PARD3: variants seen among roughly 807,000 people sequenced by gnomAD.
PARD3 encodes the protein partitioning defective 3 homolog.
Under a neutral mutation model 155.4 loss-of-function variants are expected in PARD3, and 75 were observed. That is an observed-to-expected ratio of 0.48 (90% CI 0.40 to 0.58). The LOEUF is 0.58. PARD3 is among the 20% of genes least tolerant of loss of function. The pLI, the probability that PARD3 is intolerant of heterozygous loss-of-function variation, is 0.00. For missense variants in PARD3, 1,642 were observed against 1,721.7 expected (o/e 0.95, Z 0.82); for synonymous variants, 576 against 610.5 (o/e 0.94, Z 0.83).
chr10:34,174,565 C>T (rs1277455362), intron 22 of PARD3, among the ~76,000 whole-genome samples: 2 of 152,148 alleles, frequency 1.3e-5, no homozygotes, highest in East Asian at 3.9e-4. Flanking sequence ...GTGAGGCCAC[C>T]TGTCTGGCTG....
At chr10:34,285,724 G>T (rs1956356541) in intron 20 of PARD3, among the ~76,000 whole-genome samples, 1 of 152,022 alleles carries the variant, frequency 6.6e-6, no homozygotes, top group Admixed American at 6.6e-5. Flanking sequence ...GTCTACATAT[G>T]AATTAAAGTA....
chr10:34,126,346 T>G (rs1947290162), intron 23 of PARD3, among the ~76,000 whole-genome samples: 1 of 152,222 alleles, frequency 6.6e-6, no homozygotes, highest in African/African-American at 2.4e-5. Context: ...GCTACTTGGA[T>G]GAATTTTCCG....
intron 5 of PARD3, among the ~76,000 whole-genome samples, chr10:34,436,509 A>G (rs2076195504): frequency 6.6e-6 from 1 of 152,242 alleles, no homozygotes; most frequent in Non-Finnish European, 1.5e-5. Flanking sequence ...GCAACATGGT[A>G]CGATGTCTAC....
intron 20 of PARD3, among the ~76,000 whole-genome samples, chr10:34,299,232 C>T (rs1041052439): frequency 2.0e-5 from 3 of 152,204 alleles, no homozygotes; most frequent in Admixed American, 2.0e-4. Context: ...TGCAAATAAA[C>T]ACCAATAGAT....
chr10:34,587,594 C>T (rs899299745), intron 2 of PARD3, among the ~76,000 whole-genome samples: 15 of 152,094 alleles, frequency 9.9e-5, no homozygotes, highest in Non-Finnish European at 1.5e-4. Context: ...TGAAACTTTG[C>T]AAAAGAAGGG....
intron 22 of PARD3, among the ~76,000 whole-genome samples, chr10:34,165,830 T>C (rs991542486): frequency 1.3e-5 from 2 of 152,246 alleles, no homozygotes; most frequent in African/African-American, 2.4e-5. Flanking sequence ...CCCATATCAA[T>C]GGTCATTTTC....
intron 2 of PARD3, among the ~76,000 whole-genome samples, chr10:34,538,765 G>A (rs954104968): frequency 2.0e-5 from 3 of 152,214 alleles, no homozygotes; most frequent in African/African-American, 7.2e-5. Flanking sequence ...CTGCAGAAAC[G>A]CAGGGGTGAG....
intron 15 of PARD3, chr10:34,346,233 CA>C: frequency 8.7e-7 from 1 of 1,146,748 alleles, no homozygotes; most frequent in Non-Finnish European, 1.1e-6. Context: ...CTGTAGCTAA[CA>C]AAATCGGGGC....
rs1446944862 is a variant in PARD3 at position 34,586,535 on chromosome 10, C to T, written c.223-69376G>A. On this transcript the variant is annotated intron_variant, in intron 2 of 24. Coordinates refer to ENST00000374788, the MANE Select transcript of PARD3 (RefSeq NM_001184785.2). ...CTTATTCATCACTGAGCCATAAGAA[C>T]ACTATAGGGGGAAAAAATATACTCT... Among the ~76,000 whole-genome samples, 6 of 152,092 alleles carry T rather than the reference C, an allele frequency of 3.9e-5. No homozygotes were observed. In the East Asian group the frequency reaches 1.2e-3, roughly 29 times the overall value.
intron 7 of PARD3, among the ~76,000 whole-genome samples, chr10:34,386,239 A>C (rs2132037044): frequency 6.6e-6 from 1 of 152,306 alleles, no homozygotes; most frequent in Non-Finnish European, 1.5e-5. Flanking sequence ...AATATTAGTG[A>C]CTAGTAAAAA....
At chr10:34,645,186 T>A (rs12782809) in intron 2 of PARD3, among the ~76,000 whole-genome samples, 1 of 115,478 alleles carries the variant, frequency 8.7e-6, no homozygotes, top group Non-Finnish European at 1.9e-5. Context: ...TTTTATTTTA[T>A]TTTTATTTTA....
chr10:34,616,865 G>C (rs1327739163), intron 2 of PARD3, among the ~76,000 whole-genome samples: 1 of 151,250 alleles, frequency 6.6e-6, no homozygotes, highest in Non-Finnish European at 1.5e-5. Context: ...AGCATGGGAG[G>C]TGGAGGCTGC....
chr10:34,474,794 T>C (rs1017723457), intron 3 of PARD3, among the ~76,000 whole-genome samples: 2 of 152,224 alleles, frequency 1.3e-5, no homozygotes, highest in African/African-American at 4.8e-5. Context: ...TTGGTTTGTT[T>C]TTTAAAAGAG....
At chr10:34,358,328 G>A (rs1839101108) in intron 14 of PARD3, among the ~76,000 whole-genome samples, 1 of 152,028 alleles carries the variant, frequency 6.6e-6, no homozygotes, top group Non-Finnish European at 1.5e-5. Flanking sequence ...TTCAAGAGAG[G>A]ATGCCCTGTG....
chr10:34,120,125 T>C (rs1392971260), intron 23 of PARD3, among the ~76,000 whole-genome samples: 1 of 142,354 alleles, frequency 7.0e-6, no homozygotes, highest in African/African-American at 2.6e-5. Flanking sequence ...CAAGTGATCC[T>C]CCCACCTCAG....
At chr10:34,344,488 G>T in intron 15 of PARD3, 1 of 656,928 alleles carries the variant, frequency 1.5e-6, no homozygotes, top group Non-Finnish European at 1.9e-6. Flanking sequence ...TCACATGTTG[G>T]CCAGGCTGGT....
At chr10:34,725,200 T>A (rs2094686216) in intron 1 of PARD3, among the ~76,000 whole-genome samples, 2 of 150,908 alleles carry the variant, frequency 1.3e-5, no homozygotes, top group South Asian at 4.2e-4. Flanking sequence ...TCGCCCAGGC[T>A]GGAGTGCAGT....
intron 2 of PARD3, among the ~76,000 whole-genome samples, chr10:34,656,741 A>G (rs2093176992): frequency 6.6e-6 from 1 of 152,208 alleles, no homozygotes; most frequent in South Asian, 2.1e-4. Context: ...CTGGGAACTG[A>G]GAGAGAATTT....
chr10:34,118,511 ATT>A (rs1946806127), intron 24 of PARD3, among the ~76,000 whole-genome samples: 2 of 152,102 alleles, frequency 1.3e-5, no homozygotes, highest in African/African-American at 4.8e-5. Flanking sequence ...AGCCCAGCTA[ATT>A]TTTGTATTTT....
Sources: allele counts gnomAD v4.1 joint callset (sites outside exome capture counted in the v4.1 genomes callset), GRCh38; gene constraint gnomAD v4.1.1; transcripts MANE v1.5; gene names NCBI Gene and HGNC (gene_info 2026-07-23, HGNC 2026-07-21).